The following NBAS variants were observed in gnomAD, a reference collection of about 807,000 sequenced individuals.
NBAS encodes NBAS subunit of NRZ tethering complex.
Under a neutral mutation model 302.5 loss-of-function variants are expected in NBAS, and 219 were observed. That is an observed-to-expected ratio of 0.72 (90% CI 0.65 to 0.81). NBAS has a LOEUF of 0.81. Ranked by LOEUF, NBAS falls within the 30% of genes least tolerant of loss-of-function variation. The probability of loss-of-function intolerance (pLI) is 0.00; values close to 1 mark genes in which losing one functional copy is unlikely to be tolerated. For missense variants in NBAS, 2,932 were observed against 2,841.6 expected (o/e 1.03, Z -0.72); for synonymous variants, 1,118 against 1,021.6 (o/e 1.09, Z -1.80).
chr2:15,165,260 G>A (rs1486500969), downstream of NBAS, among the ~76,000 whole-genome samples: 2 of 152,166 alleles, frequency 1.3e-5, no homozygotes, highest in Non-Finnish European at 1.5e-5. Context: ...CCACACCATC[G>A]GACATAGGCG....
chr2:15,049,652 G>A, the NBAS span, among the ~76,000 whole-genome samples: 2 of 152,242 alleles, frequency 1.3e-5, no homozygotes, highest in Non-Finnish European at 2.9e-5. Flanking sequence ...CCAGCCCAGA[G>A]GGGCAGGGGA....
the NBAS span, among the ~76,000 whole-genome samples, chr2:15,037,277 G>A: frequency 6.6e-6 from 1 of 152,130 alleles, no homozygotes; most frequent in South Asian, 2.1e-4. Flanking sequence ...AGTGGGGCAG[G>A]CCACTAGGAG....
chr2:15,175,617 G>C (rs1191079142), intron 51 of NBAS, among the ~76,000 whole-genome samples: 1 of 152,148 alleles, frequency 6.6e-6, no homozygotes, highest in Non-Finnish European at 1.5e-5. Flanking sequence ...AGGTAATCCA[G>C]AAGTCTATAC....
At chr2:15,166,814 A>G (rs1664039098), downstream of NBAS, 1 of 477,744 alleles carries the variant, frequency 2.1e-6, no homozygotes, top group African/African-American at 1.9e-5. Context: ...GTTGAAATAA[A>G]AAAGGAGGGT....
chr2:15,199,347 T>C (rs1327935318), intron 48 of NBAS, among the ~76,000 whole-genome samples: 1 of 152,052 alleles, frequency 6.6e-6, no homozygotes, highest in African/African-American at 2.4e-5. Context: ...GCCAAAATAC[T>C]TGAAAATAAG....
the NBAS span, among the ~76,000 whole-genome samples, chr2:15,000,203 C>A: frequency 6.6e-6 from 1 of 152,200 alleles, no homozygotes; most frequent in South Asian, 2.1e-4. Context: ...GGGCTGGGAT[C>A]AAACCTTTCT....
At chr2:15,429,471 C>G (rs541232084) in intron 21 of NBAS, among the ~76,000 whole-genome samples, 1 of 152,014 alleles carries the variant, frequency 6.6e-6, no homozygotes, top group East Asian at 1.9e-4. Context: ...ACTTCATAAA[C>G]GTTTGAAAAT....
At chr2:14,821,195 G>A in the NBAS span, among the ~76,000 whole-genome samples, 1 of 152,086 alleles carries the variant, frequency 6.6e-6, no homozygotes. Context: ...GAAGTGCTGG[G>A]ATTACAGGCG....
chr2:15,551,514 A>C lies in NBAS; in HGVS notation c.358T>G (p.Ser120Ala). ...TTACCTTGACATTTCCCAATAATGG[A>C]TGTAAAATCATCTTTTGCAGACCTG... is the stretch of plus-strand genomic sequence containing the variant. ...EIRSAKDDFT[S>A]IIGKCQVPKD... The change falls in exon 6 of 52, where the codon TCC (serine) becomes GCC (alanine). Residue 120 changes from serine to alanine, a missense_variant. By Grantham distance (99) the Ser-to-Ala change is moderately conservative. Transcript: ENST00000281513. 1 of 1,609,558 alleles carries C rather than the reference A, an allele frequency of 6.2e-7. No individual in the cohort carries two copies.
the NBAS span, among the ~76,000 whole-genome samples, chr2:15,047,565 C>CTGTG: frequency 1.3e-5 from 2 of 150,916 alleles, no homozygotes; most frequent in African/African-American, 4.9e-5. Context: ...AAGGCTGGGC[C>CTGTG]CGTGCAAGTG....
At position 15,504,513 on chromosome 2, in the gene NBAS, C is replaced by T. The variant is rs529419580; in HGVS notation, c.886-300G>A. 7.2e-5 allele frequency among the ~76,000 whole-genome samples: 11 copies of T among 152,132 alleles called. 1 individual carries two copies. The South Asian group carries it at 1.5e-3, about 20-fold the overall frequency. On this transcript the variant is annotated intron_variant, in intron 10 of 51. Coordinates refer to ENST00000281513, the MANE Select transcript of NBAS (RefSeq NM_015909.4). The stretch of plus-strand genomic sequence containing the variant: ...CAAGCTCTTCTCAAGTAAGGCTGCC[C>T]AAGGTTGCCATTTTATCCTAACATC...
At chr2:15,298,206 T>C (rs1188387713) in intron 40 of NBAS, among the ~76,000 whole-genome samples, 1 of 152,118 alleles carries the variant, frequency 6.6e-6, no homozygotes, top group African/African-American at 2.4e-5. Context: ...AAGGTGGTGG[T>C]TAGGGAAATT....
At chr2:15,499,666 G>A (rs1289355467) in intron 11 of NBAS, among the ~76,000 whole-genome samples, 2 of 151,980 alleles carry the variant, frequency 1.3e-5, no homozygotes, top group East Asian at 1.9e-4. Flanking sequence ...AATGGGACTA[G>A]GCCTAATATA....
chr2:15,049,590 A>G, the NBAS span, among the ~76,000 whole-genome samples: 1 of 152,214 alleles, frequency 6.6e-6, no homozygotes, highest in African/African-American at 2.4e-5. Context: ...AGGCTAGTGA[A>G]TCTAAAACAG....
At chr2:14,942,365 C>T in the NBAS span, among the ~76,000 whole-genome samples, 1 of 152,092 alleles carries the variant, frequency 6.6e-6, no homozygotes, top group Admixed American at 6.5e-5. Flanking sequence ...CCTCTTGGTA[C>T]TGTCCTCATG....
At chr2:15,546,046 C>T (rs1012263345) in intron 6 of NBAS, among the ~76,000 whole-genome samples, 2 of 152,144 alleles carry the variant, frequency 1.3e-5, no homozygotes, top group East Asian at 3.8e-4. Flanking sequence ...ACCTAAGACG[C>T]TATTCAGTAG....
the NBAS span, among the ~76,000 whole-genome samples, chr2:14,988,417 T>C: frequency 1.3e-5 from 2 of 152,124 alleles, no homozygotes; most frequent in African/African-American, 2.4e-5. Context: ...TGGAAAACAG[T>C]TTTGTCTTAA....
chr2:15,441,153 G>A lies in NBAS; in HGVS notation c.2340-13359C>T, dbSNP rs151000978. On this transcript the variant is annotated intron_variant, in intron 21 of 51. Coordinates refer to ENST00000281513, the MANE Select transcript of NBAS (RefSeq NM_015909.4). Reference sequence around the variant, plus strand: ...AACATTCAGATTCAGGAAATACAGAGAATGCCACAAAGATACTCATTGAGA... The same window carrying A: ...AACATTCAGATTCAGGAAATACAGAAAATGCCACAAAGATACTCATTGAGA... Among the ~76,000 whole-genome samples the A allele has an allele frequency of 5.0e-3, 762 of 152,240 alleles. 9 individuals are homozygous for A. Among genetic ancestry groups the A allele is most frequent in the African/African-American group, 0.018 (739 of 41,528 alleles).
the NBAS span, among the ~76,000 whole-genome samples, chr2:14,933,286 A>C: frequency 6.6e-6 from 1 of 152,202 alleles, no homozygotes; most frequent in Non-Finnish European, 1.5e-5. Context: ...AGGAACAAAA[A>C]CATTTTGTGT....
Sources: allele counts gnomAD v4.1 joint callset (sites outside exome capture counted in the v4.1 genomes callset), GRCh38; gene constraint gnomAD v4.1.1; transcripts MANE v1.5; gene names NCBI Gene and HGNC (gene_info 2026-07-23, HGNC 2026-07-21).